Variants in PTPN2 observed in about 807,000 individuals in gnomAD.
PTPN2 encodes tyrosine-protein phosphatase non-receptor type 2.
In PTPN2, 19 loss-of-function variants were observed where a neutral mutation model predicts 57.3. The ratio of observed to expected loss-of-function variants is 0.33; its 90% CI spans 0.23 to 0.49. PTPN2 has a LOEUF of 0.49. Ranked by LOEUF, PTPN2 falls within the 20% of genes least tolerant of loss-of-function variation. The pLI, the probability that PTPN2 is intolerant of heterozygous loss-of-function variation, is 0.99. For missense variants in PTPN2, 358 were observed against 501.1 expected (o/e 0.71, Z 2.73); for synonymous variants, 153 against 164.9 (o/e 0.93, Z 0.55).
At position 12,793,187 on chromosome 18, in the gene PTPN2, A is replaced by G; in HGVS notation, c.*1091T>C. Reference sequence around the variant, plus strand: ...TCTGAGGAAAGCTAGCATTCAAATGAGCAGTTAAATTCATTAAACAGTTTG... The same window carrying G: ...TCTGAGGAAAGCTAGCATTCAAATGGGCAGTTAAATTCATTAAACAGTTTG... On this transcript the variant is annotated 3_prime_UTR_variant, in exon 9 of 9. Coordinates refer to ENST00000309660, the MANE Select transcript of PTPN2 (RefSeq NM_002828.4). The G allele has an allele frequency of 3.0e-6, 3 of 984,842 alleles. No individual in the cohort carries two copies. The highest frequency in any genetic ancestry group is 3.6e-6 in the Non-Finnish European group (3 of 829,336). The allele number at this position is 984,842 out of a possible 1,614,324, so 61.0% of individuals were successfully genotyped here.
chr18:12,853,730 C>T (rs1047209548), intron 2 of PTPN2, among the ~76,000 whole-genome samples: 3 of 152,152 alleles, frequency 2.0e-5, no homozygotes, highest in Non-Finnish European at 4.4e-5. Flanking sequence ...GCTAGAAGAA[C>T]TCCAAGTGAT....
chr18:12,875,612 AAT>A (rs2044462036), intron 1 of PTPN2, among the ~76,000 whole-genome samples: 1 of 152,244 alleles, frequency 6.6e-6, no homozygotes, highest in Non-Finnish European at 1.5e-5. Context: ...TAAGTTAAGG[AAT>A]AGAGAGTAGA....
intron 7 of PTPN2, among the ~76,000 whole-genome samples, chr18:12,808,500 G>A (rs1279804986): frequency 4.6e-5 from 7 of 152,144 alleles, no homozygotes; most frequent in Non-Finnish European, 7.3e-5. Flanking sequence ...AACAAAGGCC[G>A]GGGCATGCGG....
chr18:12,848,571 A>G (rs2043289467), intron 2 of PTPN2, among the ~76,000 whole-genome samples: 1 of 152,220 alleles, frequency 6.6e-6, no homozygotes, highest in Non-Finnish European at 1.5e-5. Flanking sequence ...CTTGTGATAA[A>G]GTCCAGGTCT....
Position 12,792,484 on chromosome 18 carries a change from T to C in PTPN2, c.*1794A>G, listed in dbSNP as rs1438653189. 1.3e-5 allele frequency: 2 copies of C among 154,004 alleles called. No homozygotes were observed. The highest frequency in any genetic ancestry group is 1.9e-4 in the East Asian group (1 of 5,176). The allele number at this position is 154,004 out of a possible 1,614,324, so 9.5% of individuals were successfully genotyped here. A position where few individuals can be genotyped will look rare whatever the true frequency, so the allele number is the denominator to read the frequency against. On this transcript the variant is annotated 3_prime_UTR_variant, in exon 9 of 9. Transcript: ENST00000309660. ...TTTTAGTAAAGAAGGGATTTCACCA[T>C]GTTGGCCAGGACAGTCTCCATCTCT... is the stretch of plus-strand genomic sequence containing the variant.
Position 12,794,032 on chromosome 18 carries a change from T to A in PTPN2, c.*246A>T. ...ACATGTATGAATACAGTTGCAAAAT[T>A]TACCAGTTTTTAACAAACATGAATG... On this transcript the variant is annotated 3_prime_UTR_variant, in exon 9 of 9. Transcript: ENST00000309660. 6 of 1,375,154 alleles carry A rather than the reference T, an allele frequency of 4.4e-6. No individual in the cohort carries two copies. Among genetic ancestry groups the A allele is most frequent in the Non-Finnish European group, 4.7e-6 (5 of 1,067,140 alleles). The allele number at this position is 1,375,154 out of a possible 1,614,324, so 85.2% of individuals were successfully genotyped here.
At position 12,884,088 on chromosome 18, in the gene PTPN2, C is replaced by T; in HGVS notation, c.54G>A (p.Trp18Ter). The T allele has an allele frequency of 6.3e-7, 1 of 1,582,012 alleles. No individual in the cohort carries two copies. Residue 18 changes from tryptophan (W) to a stop codon, truncating the protein, a stop_gained, in exon 1 of 9, where the codon TGG becomes TGA. Coordinates refer to ENST00000309660, the MANE Select transcript of PTPN2 (RefSeq NM_002828.4). LOFTEE classifies it high-confidence loss of function. ...CGCGACTCACCAAGTACAGCGGCTG[C>T]CAGCGACGCTGAGTATCCAACTCTT... is the stretch of plus-strand genomic sequence containing the variant. ...EFEELDTQRR[W>*]QPLYLEIRNE...
chr18:12,810,424 C>T (rs1265125857), intron 7 of PTPN2, among the ~76,000 whole-genome samples: 2 of 152,084 alleles, frequency 1.3e-5, no homozygotes, highest in East Asian at 3.9e-4. Flanking sequence ...TACTTAGCTG[C>T]ATAATCAATG....
At chr18:12,858,223 AG>A (rs1363422357) in intron 2 of PTPN2, among the ~76,000 whole-genome samples, 1 of 152,224 alleles carries the variant, frequency 6.6e-6, no homozygotes, top group Non-Finnish European at 1.5e-5. Flanking sequence ...AGCAAAAACC[AG>A]AATGTGATCA....
intron 7 of PTPN2, among the ~76,000 whole-genome samples, chr18:12,808,519 G>A (rs544616894): frequency 1.3e-5 from 2 of 152,210 alleles, no homozygotes; most frequent in African/African-American, 2.4e-5. Context: ...GGTGGCTCAC[G>A]CCTGTAATCC....
At chr18:12,791,641 T>C (rs947888249), downstream of PTPN2, among the ~76,000 whole-genome samples, 2 of 152,050 alleles carry the variant, frequency 1.3e-5, no homozygotes, top group African/African-American at 4.8e-5. Context: ...AACTGAACAC[T>C]ATTTAAAGCA....
intron 2 of PTPN2, among the ~76,000 whole-genome samples, chr18:12,855,681 A>T (rs888011865): frequency 2.0e-5 from 3 of 152,158 alleles, no homozygotes; most frequent in Non-Finnish European, 4.4e-5. Flanking sequence ...GGGCATGAGG[A>T]CAGCAAGGCA....
chr18:12,831,693 G>A (rs1249707516), intron 3 of PTPN2, among the ~76,000 whole-genome samples: 2 of 152,114 alleles, frequency 1.3e-5, no homozygotes, highest in Admixed American at 6.5e-5. Context: ...GAAAAAGTAG[G>A]AATCATTAAA....
intron 8 of PTPN2, among the ~76,000 whole-genome samples, chr18:12,799,038 A>T (rs1374121496): frequency 2.0e-5 from 3 of 152,208 alleles, no homozygotes; most frequent in Non-Finnish European, 4.4e-5. Context: ...CTTCAATTTG[A>T]AAAACACTGC....
Position 12,793,882 on chromosome 18 carries a change from T to A in PTPN2, c.*396A>T, listed in dbSNP as rs2145216637. 1 of 1,053,736 alleles carries A rather than the reference T, an allele frequency of 9.5e-7. No homozygotes were observed. Among genetic ancestry groups the A allele is most frequent in the African/African-American group, 1.7e-5 (1 of 59,606 alleles). The allele number at this position is 1,053,736 out of a possible 1,614,324, so 65.3% of individuals were successfully genotyped here. A position where few individuals can be genotyped will look rare whatever the true frequency, so the allele number is the denominator to read the frequency against. On this transcript the variant is annotated 3_prime_UTR_variant, in exon 9 of 9. Coordinates refer to ENST00000309660, the MANE Select transcript of PTPN2 (RefSeq NM_002828.4). ...TATTTAAATGTCATTTTCTTTCCAA[T>A]AACGTAGATAAAACCACAATATTTA... is the stretch of plus-strand genomic sequence containing the variant.
At chr18:12,853,615 G>A (rs1294522549) in intron 2 of PTPN2, among the ~76,000 whole-genome samples, 1 of 152,188 alleles carries the variant, frequency 6.6e-6, no homozygotes, top group Non-Finnish European at 1.5e-5. Flanking sequence ...GCTGGTATTT[G>A]CAGAAGGAGA....
At chr18:12,849,577 A>ATAAAT (rs1555674444) in intron 2 of PTPN2, among the ~76,000 whole-genome samples, 4 of 139,892 alleles carry the variant, frequency 2.9e-5, no homozygotes, top group East Asian at 4.2e-4. Context: ...AAATAAATAA[A>ATAAAT]AAATAAAAAA....
chr18:12,840,598 G>T, intron 2 of PTPN2: 1 of 1,168,228 alleles, frequency 8.6e-7, no homozygotes, highest in Non-Finnish European at 1.2e-6. Context: ...CCTATGAAGT[G>T]CATATGAATA....
In PTPN2 at chr18:12,874,633, T is replaced by TG. The variant is rs1431356775; in HGVS notation, c.69+9439dup. On this transcript the variant is annotated intron_variant, in intron 1 of 8. Transcript: ENST00000309660. ...CCAGCCGCCCCGTCCGGGAGGGAGG[T>TG]GGGGGGGTCAGCCCCCCGCCCGGCC... 2.2e-3 allele frequency among the ~76,000 whole-genome samples: 202 copies of TG among 93,670 alleles called. 4 individuals are homozygous for TG. Among genetic ancestry groups the TG allele is most frequent in the African/African-American group, 8.7e-3 (189 of 21,804 alleles). The allele number at this position is 93,670 out of a possible 152,430, so 61.5% of individuals were successfully genotyped here. A position where few individuals can be genotyped will look rare whatever the true frequency, so the allele number is the denominator to read the frequency against.
Sources: allele counts gnomAD v4.1 joint callset (sites outside exome capture counted in the v4.1 genomes callset), GRCh38; gene constraint gnomAD v4.1.1; transcripts MANE v1.5; gene names NCBI Gene and HGNC (gene_info 2026-07-23, HGNC 2026-07-21).